The following GABBR2 variants were observed in gnomAD, a reference collection of about 807,000 sequenced individuals.
GABBR2 encodes gamma-aminobutyric acid type B receptor subunit 2.
Under a neutral mutation model 105.6 loss-of-function variants are expected in GABBR2, and 23 were observed. That is an observed-to-expected ratio of 0.22 (90% CI 0.16 to 0.31). GABBR2 has a LOEUF of 0.31. GABBR2 is among the 10% of genes least tolerant of loss of function. The probability of loss-of-function intolerance (pLI) is 1.00; values close to 1 mark genes in which losing one functional copy is unlikely to be tolerated. For synonymous variants in GABBR2, 478 were observed against 499.7 expected, an observed-to-expected ratio of 0.96 and a Z score of 0.58; for missense variants, 734 against 1,245.5, an observed-to-expected ratio of 0.59 and a Z score of 6.18.
chr9:98,347,171 G>T (rs1003618502), intron 13 of GABBR2, among the ~76,000 whole-genome samples: 2 of 152,098 alleles, frequency 1.3e-5, no homozygotes, highest in South Asian at 4.1e-4. Context: ...TTCCATAATT[G>T]TTGTACTAAT....
intron 13 of GABBR2, among the ~76,000 whole-genome samples, chr9:98,338,032 A>G (rs890747369): frequency 6.6e-5 from 10 of 152,182 alleles, no homozygotes; most frequent in Non-Finnish European, 5.9e-5. Flanking sequence ...GAAAAAACCA[A>G]AACAAACAAG....
intron 13 of GABBR2, among the ~76,000 whole-genome samples, chr9:98,326,813 C>T (rs1830932587): frequency 1.3e-5 from 2 of 152,206 alleles, no homozygotes; most frequent in Admixed American, 6.5e-5. Context: ...CTTTGCTAGG[C>T]ACTCTGTATA....
chr9:98,572,692 A>G (rs1275852702), intron 2 of GABBR2, among the ~76,000 whole-genome samples: 1 of 152,084 alleles, frequency 6.6e-6, no homozygotes, highest in African/African-American at 2.4e-5. Flanking sequence ...GGAGGCAGGA[A>G]TCCAGGCTCC....
At chr9:98,682,366 CTTTTTTTTTTTTTTTT>C (rs58885676) in intron 1 of GABBR2, among the ~76,000 whole-genome samples, 1 of 52,226 alleles carries the variant, frequency 1.9e-5, no homozygotes, top group African/African-American at 7.4e-5. Flanking sequence ...ATTTTACCAT[CTTTTTTTTTTTTTTTT>C]TTTTTTTTTT....
At chr9:98,391,627 A>C (rs1832182568) in intron 9 of GABBR2, among the ~76,000 whole-genome samples, 1 of 152,202 alleles carries the variant, frequency 6.6e-6, no homozygotes, top group Non-Finnish European at 1.5e-5. Flanking sequence ...GGCCAGGAAG[A>C]TGAGAAGGAA....
rs571281430 is a variant in GABBR2 at position 98,384,507 on chromosome 9, T to C, written c.1662+1133A>G. On this transcript the variant is annotated intron_variant, in intron 11 of 18. Transcript: ENST00000259455. ...CAGGAGGCTGAGGCAGGAGAATCAC[T>C]TGAACCCAGGAGGCGGAGGTTGCAG... is the stretch of plus-strand genomic sequence containing the variant. 2.6e-5 allele frequency among the ~76,000 whole-genome samples: 4 copies of C among 152,178 alleles called. No individual in the cohort carries two copies. The East Asian group carries it at 7.7e-4, about 29-fold the overall frequency.
rs1827554406 is a variant in GABBR2 at position 98,508,268 on chromosome 9, C to A, written c.631-11754G>T. On this transcript the variant is annotated intron_variant, in intron 3 of 18. Transcript: ENST00000259455. ...CACCAAAGCAAGCCCACTTCAAAAC[C>A]ATTCCCTGGGGAGGAGGAGCCAAGA... 2.0e-5 allele frequency among the ~76,000 whole-genome samples: 3 copies of A among 152,212 alleles called. No individual in the cohort carries two copies. The South Asian group carries it at 6.2e-4, about 31-fold the overall frequency.
At chr9:98,573,686 T>C (rs1828868755) in intron 2 of GABBR2, among the ~76,000 whole-genome samples, 2 of 152,234 alleles carry the variant, frequency 1.3e-5, no homozygotes. Flanking sequence ...GAAATTTATT[T>C]AATAAGAGAA....
rs115367256 is a variant in GABBR2, at chr9:98,695,435, C to A, written c.321+12982G>T. On this transcript the variant is annotated intron_variant, in intron 1 of 18. Coordinates refer to ENST00000259455, the MANE Select transcript of GABBR2 (RefSeq NM_005458.8). Reference sequence around the variant, plus strand: ...GGATGGTTCACCACTGAGCTCTCAGCGCACCTCAAATCCTTCCAGAAATGG... The same window carrying A: ...GGATGGTTCACCACTGAGCTCTCAGAGCACCTCAAATCCTTCCAGAAATGG... Among the ~76,000 whole-genome samples, 352 of 152,250 alleles carry A rather than the reference C, an allele frequency of 2.3e-3. 1 individual carries two copies. The highest frequency in any genetic ancestry group is 8.2e-3 in the African/African-American group (341 of 41,552).
chr9:98,382,318 G>C (rs1342156966), intron 11 of GABBR2, among the ~76,000 whole-genome samples: 2 of 152,028 alleles, frequency 1.3e-5, no homozygotes, highest in Non-Finnish European at 2.9e-5. Context: ...CTTGCCCCCA[G>C]TATCTTTTTT....
chr9:98,326,244 G>GA (rs759663212), intron 13 of GABBR2, among the ~76,000 whole-genome samples: 2 of 152,214 alleles, frequency 1.3e-5, no homozygotes, highest in Non-Finnish European at 1.5e-5. Context: ...CTTTGGCACA[G>GA]CAAAACAGTG....
At chr9:98,434,925 T>C (rs912392907) in intron 7 of GABBR2, among the ~76,000 whole-genome samples, 2 of 152,170 alleles carry the variant, frequency 1.3e-5, no homozygotes, top group Non-Finnish European at 2.9e-5. Context: ...CACACTGTTC[T>C]GTAGGTAGGG....
chr9:98,361,849 G>A (rs556116315), intron 13 of GABBR2, among the ~76,000 whole-genome samples: 1 of 152,272 alleles, frequency 6.6e-6, no homozygotes, highest in African/African-American at 2.4e-5. Context: ...ACACTGTCTC[G>A]AGATAAATGA....
intron 1 of GABBR2, among the ~76,000 whole-genome samples, chr9:98,592,417 C>T (rs1479930950): frequency 2.6e-5 from 4 of 152,134 alleles, no homozygotes; most frequent in African/African-American, 7.2e-5. Flanking sequence ...CGCATTAGCC[C>T]ACTTACTATT....
intron 7 of GABBR2, among the ~76,000 whole-genome samples, chr9:98,421,524 A>C (rs1276943876): frequency 6.6e-6 from 1 of 152,148 alleles, no homozygotes; most frequent in East Asian, 1.9e-4. Context: ...TTAAATATTT[A>C]TTTAGTTGTT....
intron 16 of GABBR2, 22 bp from the exon 17 acceptor site, chr9:98,299,375 T>G (rs1830432539): frequency 1.2e-6 from 2 of 1,613,486 alleles, no homozygotes; most frequent in African/African-American, 2.7e-5. Context: ...AGGTTCCAGT[T>G]GAGTCAGGTC....
chr9:98,362,092 C>T (rs906145089), intron 13 of GABBR2, among the ~76,000 whole-genome samples: 18 of 152,144 alleles, frequency 1.2e-4, no homozygotes, highest in African/African-American at 3.9e-4. Flanking sequence ...AGCTGTAGCC[C>T]GCAAAGACAG....
chr9:98,445,919 A>G (rs1254423047), intron 7 of GABBR2, among the ~76,000 whole-genome samples: 1 of 152,208 alleles, frequency 6.6e-6, no homozygotes, highest in Non-Finnish European at 1.5e-5. Flanking sequence ...CTGAGTGGTA[A>G]TGCTTAGGGC....
At chr9:98,459,257 T>C (rs1007521652) in intron 6 of GABBR2, among the ~76,000 whole-genome samples, 4 of 152,176 alleles carry the variant, frequency 2.6e-5, no homozygotes, top group Non-Finnish European at 4.4e-5. Flanking sequence ...ATCAAGAACA[T>C]TTAGAAAAGC....
Sources: gnomAD v4.1 joint callset for allele counts (sites outside exome capture counted in the v4.1 genomes callset) on GRCh38, gnomAD v4.1.1 for gene constraint, MANE v1.5 for transcripts, NCBI Gene and HGNC (gene_info 2026-07-23, HGNC 2026-07-21) for gene names.